The following CDK14 variants were observed in gnomAD, a reference collection of about 807,000 sequenced individuals.
CDK14 encodes the protein cyclin-dependent kinase 14.
In CDK14, 34 loss-of-function variants were observed where a neutral mutation model predicts 60.7. The observed-to-expected ratio is 0.56, with a 90% CI of 0.43 to 0.75. The LOEUF (loss-of-function observed/expected upper bound fraction) is 0.75. Ranked by LOEUF, CDK14 falls within the 30% of genes least tolerant of loss-of-function variation. The pLI is 0.00. For synonymous variants in CDK14, 197 were observed against 203.7 expected, an observed-to-expected ratio of 0.97 and a Z score of 0.28; for missense variants, 482 against 564.1, an observed-to-expected ratio of 0.85 and a Z score of 1.47.
chr7:90,937,481 A>T (rs1793791124), intron 8 of CDK14, among the ~76,000 whole-genome samples: 1 of 152,214 alleles, frequency 6.6e-6, no homozygotes, highest in South Asian at 2.1e-4. Context: ...GGTTTCCTAT[A>T]GCAGTCAAGT....
chr7:90,789,709 A>G (rs545469599), intron 4 of CDK14, among the ~76,000 whole-genome samples: 1 of 152,254 alleles, frequency 6.6e-6, no homozygotes, highest in East Asian at 1.9e-4. Context: ...CCTGGAACCA[A>G]TCCACTGAGG....
Position 90,856,231 on chromosome 7 carries a change from C to G in CDK14, c.545-6944C>G, listed in dbSNP as rs1006839751. Reference sequence around the variant, plus strand: ...CTAAATTAAGGATTACATGACACCACATTTATTTTAACCTTACGTTTAGAG... The same window carrying G: ...CTAAATTAAGGATTACATGACACCAGATTTATTTTAACCTTACGTTTAGAG... On this transcript the variant is annotated intron_variant, in intron 5 of 14. Transcript: ENST00000380050. 3.3e-5 allele frequency among the ~76,000 whole-genome samples: 5 copies of G among 152,168 alleles called. No individual in the cohort carries two copies. In the South Asian group the frequency reaches 1.0e-3, roughly 32 times the overall value.
intron 14 of CDK14, among the ~76,000 whole-genome samples, chr7:91,184,065 T>G (rs1802091180): frequency 6.6e-6 from 1 of 151,838 alleles, no homozygotes; most frequent in African/African-American, 2.4e-5. Context: ...CGCTTAAAAT[T>G]ACATTTTTTA....
chr7:90,774,468 T>C (rs1026800594), intron 4 of CDK14, among the ~76,000 whole-genome samples: 8 of 152,334 alleles, frequency 5.3e-5, no homozygotes, highest in African/African-American at 1.9e-4. Context: ...ATAGCATTGT[T>C]CTCTAATCCT....
intron 2 of CDK14, among the ~76,000 whole-genome samples, chr7:90,610,427 C>T (rs1799515737): frequency 6.6e-6 from 1 of 152,176 alleles, no homozygotes; most frequent in African/African-American, 2.4e-5. Flanking sequence ...TCCTGCTGAA[C>T]TCTTTTCACT....
intron 2 of CDK14, among the ~76,000 whole-genome samples, chr7:90,620,914 G>A (rs1438455390): frequency 1.3e-5 from 2 of 152,152 alleles, no homozygotes; most frequent in Non-Finnish European, 2.9e-5. Flanking sequence ...CCCCACTTCT[G>A]CCCATCACAG....
chr7:90,822,377 A>G (rs1179266680), intron 5 of CDK14, among the ~76,000 whole-genome samples: 1 of 152,224 alleles, frequency 6.6e-6, no homozygotes, highest in African/African-American at 2.4e-5. Context: ...TGGCTCCTAC[A>G]TGGATGATCT....
intron 14 of CDK14, among the ~76,000 whole-genome samples, chr7:91,125,266 G>T (rs1313053570): frequency 6.6e-6 from 1 of 152,104 alleles, no homozygotes; most frequent in African/African-American, 2.4e-5. Context: ...GGGGCCTGGG[G>T]ACAAGAGCCA....
intron 13 of CDK14, 47 bp from the exon 14 acceptor site, chr7:91,118,018 T>A: frequency 9.3e-7 from 1 of 1,080,524 alleles, no homozygotes; most frequent in Non-Finnish European, 1.4e-6. Context: ...AACATGATTA[T>A]AAATATCTAT....
chr7:90,905,786 T>A (rs1006496535), intron 7 of CDK14, among the ~76,000 whole-genome samples: 2 of 152,176 alleles, frequency 1.3e-5, no homozygotes, highest in African/African-American at 4.8e-5. Context: ...GTCACATAGG[T>A]TCATCATCAT....
At chr7:90,634,778 A>G (rs2116415572) in intron 2 of CDK14, among the ~76,000 whole-genome samples, 1 of 152,084 alleles carries the variant, frequency 6.6e-6, no homozygotes, top group East Asian at 1.9e-4. Context: ...ATTTGTCCAC[A>G]TCCTCTCCAG....
intron 9 of CDK14, among the ~76,000 whole-genome samples, chr7:90,958,960 G>A (rs1794515178): frequency 6.6e-6 from 1 of 152,114 alleles, no homozygotes; most frequent in South Asian, 2.1e-4. Flanking sequence ...CAAATGGACT[G>A]TGACATAATA....
intron 5 of CDK14, among the ~76,000 whole-genome samples, chr7:90,820,859 C>G (rs1274755711): frequency 6.6e-6 from 1 of 152,176 alleles, no homozygotes; most frequent in African/African-American, 2.4e-5. Flanking sequence ...TGCTCCAGAC[C>G]ACGTATCCCA....
intron 2 of CDK14, among the ~76,000 whole-genome samples, chr7:90,723,773 C>T (rs552762093): frequency 2.6e-4 from 39 of 152,216 alleles, no homozygotes; most frequent in African/African-American, 8.7e-4. Context: ...ACCTTGCATT[C>T]GTGGGATTAG....
chr7:90,932,974 A>G (rs1793639522), intron 8 of CDK14, among the ~76,000 whole-genome samples: 1 of 152,222 alleles, frequency 6.6e-6, no homozygotes, highest in Admixed American at 6.5e-5. Flanking sequence ...GCGTTTGCCA[A>G]CCATTGTTGG....
intron 4 of CDK14, among the ~76,000 whole-genome samples, chr7:90,767,969 C>T (rs1285335338): frequency 6.6e-6 from 1 of 152,154 alleles, no homozygotes. Context: ...TCTTTGTTCT[C>T]ATGTTTTTAG....
At chr7:91,192,465 G>T (rs1802392642) in intron 14 of CDK14, among the ~76,000 whole-genome samples, 1 of 152,064 alleles carries the variant, frequency 6.6e-6, no homozygotes, top group South Asian at 2.1e-4. Context: ...TTGCTGTAAG[G>T]CCCAGAAACA....
At chr7:90,917,836 ATT>A in intron 8 of CDK14, 112 bp downstream of exon 8, 4 of 992,268 alleles carry the variant, frequency 4.0e-6, no homozygotes, top group Non-Finnish European at 5.6e-6. Context: ...GATCCTGGTA[ATT>A]TTTTTTTTCT....
intron 12 of CDK14, among the ~76,000 whole-genome samples, chr7:91,092,347 T>G (rs543638101): frequency 1.2e-4 from 19 of 152,272 alleles, no homozygotes; most frequent in Admixed American, 1.0e-3. Context: ...GAGAGAGGAA[T>G]GTAGGGTCTG....
Sources: allele counts gnomAD v4.1 joint callset (sites outside exome capture counted in the v4.1 genomes callset), GRCh38; gene constraint gnomAD v4.1.1; transcripts MANE v1.5; gene names NCBI Gene and HGNC (gene_info 2026-07-23, HGNC 2026-07-21).